IGF2BP3: variants seen among roughly 807,000 people sequenced by gnomAD.
IGF2BP3 encodes the protein insulin-like growth factor 2 mRNA-binding protein 3.
Under a neutral mutation model 73.8 loss-of-function variants are expected in IGF2BP3, and 9 were observed. The ratio of observed to expected loss-of-function variants is 0.12; its 90% confidence interval spans 0.07 to 0.21. IGF2BP3 has a LOEUF of 0.21. Ranked by LOEUF, IGF2BP3 falls within the 10% of genes least tolerant of loss-of-function variation. The pLI is 1.00. For synonymous variants in IGF2BP3, 258 were observed against 256.7 expected (o/e 1.01, Z -0.05); for missense variants, 542 against 714.0 (o/e 0.76, Z 2.75).
intron 2 of IGF2BP3, among the ~76,000 whole-genome samples, chr7:23,427,672 G>A (rs1026433380): frequency 6.6e-6 from 1 of 151,914 alleles, no homozygotes; most frequent in Non-Finnish European, 1.5e-5. Flanking sequence ...CAGAGTTCAA[G>A]AACAGCCTGG....
chr7:23,312,151 G>C lies in IGF2BP3; in HGVS notation c.*211C>G, dbSNP rs1279168627. 4.3e-6 allele frequency: 1 copy of C among 230,492 alleles called. No homozygotes were observed. Among genetic ancestry groups the C allele is most frequent in the African/African-American group, 2.5e-5 (1 of 40,766 alleles). The allele number at this position is 230,492 out of a possible 1,614,324, so 14.3% of individuals were successfully genotyped here. On this transcript the variant is annotated 3_prime_UTR_variant, in exon 15 of 15. Coordinates refer to ENST00000258729, the MANE Select transcript of IGF2BP3 (RefSeq NM_006547.3). ...CCTTTTTTTGTTTGTTTGTTTGTTT[G>C]TTTTAAAGCTGGGTGTCATACATTT... is the stretch of plus-strand genomic sequence containing the variant.
At chr7:23,336,093 T>C (rs990840566) in intron 10 of IGF2BP3, among the ~76,000 whole-genome samples, 2 of 151,894 alleles carry the variant, frequency 1.3e-5, no homozygotes, top group African/African-American at 4.8e-5. Context: ...AAAGAAGAGA[T>C]GCATCATTTC....
Position 23,469,928 on chromosome 7 carries a change from G to C in IGF2BP3, c.175+8C>G. 1 of 1,604,624 alleles carries C rather than the reference G, an allele frequency of 6.2e-7. No homozygotes were observed. The highest frequency in any genetic ancestry group is 8.5e-7 in the Non-Finnish European group (1 of 1,176,626). On this transcript the variant is annotated splice_region_variant and intron_variant, in intron 1 of 14. Coordinates refer to ENST00000258729, the MANE Select transcript of IGF2BP3 (RefSeq NM_006547.3). This position sits in a 1 kb window ranked among gnomAD's most constrained non-coding sequence, Gnocchi z 6.1. ...CGAGAGCCCGGGTGGGGCCAGGCCC[G>C]GGCCCACCTGAAAGCGCCTCGATGG... is the stretch of plus-strand genomic sequence containing the variant.
chr7:23,457,429 C>A (rs951703102), intron 2 of IGF2BP3, among the ~76,000 whole-genome samples: 3 of 151,954 alleles, frequency 2.0e-5, no homozygotes, highest in African/African-American at 7.3e-5. Flanking sequence ...CGCGCCACTG[C>A]ACTCCAGCCT....
intron 3 of IGF2BP3, among the ~76,000 whole-genome samples, chr7:23,372,288 T>C (rs1347068730): frequency 6.6e-6 from 1 of 152,164 alleles, no homozygotes; most frequent in African/African-American, 2.4e-5. Flanking sequence ...TTGGCCAGGC[T>C]GGCCTCAAAC....
At chr7:23,447,378 A>T (rs1157414988) in intron 2 of IGF2BP3, among the ~76,000 whole-genome samples, 1 of 152,002 alleles carries the variant, frequency 6.6e-6, no homozygotes, top group Non-Finnish European at 1.5e-5. Flanking sequence ...TAATCCCAGC[A>T]CTTAGGAGGC....
chr7:23,387,881 C>G (rs377155006), intron 3 of IGF2BP3, among the ~76,000 whole-genome samples: 2 of 152,278 alleles, frequency 1.3e-5, no homozygotes, highest in South Asian at 2.1e-4. Flanking sequence ...TTGTCAAGGA[C>G]TGGACCTGCT....
chr7:23,443,477 C>T lies in IGF2BP3; in HGVS notation c.237-24653G>A, dbSNP rs1330096804. On this transcript the variant is annotated intron_variant, in intron 2 of 14. Transcript: ENST00000258729. ...GGTTTCGCCATGCTGACCAGCCTGG[C>T]CAACATTGGGAAACCCCATCTCTAC... Among the ~76,000 whole-genome samples, 7 of 151,964 alleles carry T rather than the reference C, an allele frequency of 4.6e-5. No individual in the cohort carries two copies. In the East Asian group the frequency reaches 1.2e-3, roughly 25 times the overall value.
At chr7:23,391,406 T>C (rs946095998) in intron 3 of IGF2BP3, among the ~76,000 whole-genome samples, 2 of 152,196 alleles carry the variant, frequency 1.3e-5, no homozygotes, top group Non-Finnish European at 2.9e-5. Flanking sequence ...GGCCTTGTCA[T>C]TGCCTTTTAA....
chr7:23,372,915 G>A (rs1336557203), intron 3 of IGF2BP3, among the ~76,000 whole-genome samples: 1 of 152,214 alleles, frequency 6.6e-6, no homozygotes, highest in African/African-American at 2.4e-5. Context: ...AAAGTTCACA[G>A]TGTCAGAACT....
At chr7:23,407,464 C>G (rs1786871063) in intron 3 of IGF2BP3, among the ~76,000 whole-genome samples, 1 of 151,928 alleles carries the variant, frequency 6.6e-6, no homozygotes, top group African/African-American at 2.4e-5. Flanking sequence ...CAAAAATTAG[C>G]TGGGCATGGT....
intron 3 of IGF2BP3, among the ~76,000 whole-genome samples, chr7:23,406,475 G>A (rs1332612904): frequency 5.9e-5 from 9 of 152,142 alleles, no homozygotes; most frequent in African/African-American, 1.9e-4. Context: ...TGTTCCTTCA[G>A]ATGTTCAGAT....
intron 2 of IGF2BP3, among the ~76,000 whole-genome samples, chr7:23,460,196 A>C (rs1584068992): frequency 6.8e-6 from 1 of 146,768 alleles, no homozygotes; most frequent in Non-Finnish European, 1.5e-5. Context: ...AAAAAAAAAA[A>C]CAAAAACGAA....
intron 13 of IGF2BP3, 78 bp from the exon 14 acceptor site, chr7:23,312,926 A>G: frequency 1.2e-6 from 1 of 826,830 alleles, no homozygotes; most frequent in East Asian, 2.6e-5. Context: ...TGCGCCAGAC[A>G]GTGAGCTATG....
intron 10 of IGF2BP3, among the ~76,000 whole-genome samples, chr7:23,321,211 G>A (rs1424165689): frequency 4.6e-5 from 7 of 152,196 alleles, no homozygotes; most frequent in Non-Finnish European, 7.3e-5. Flanking sequence ...GTCAGTGGGT[G>A]CATGCACCAT....
At chr7:23,432,244 C>A (rs1787701437) in intron 2 of IGF2BP3, among the ~76,000 whole-genome samples, 1 of 152,134 alleles carries the variant, frequency 6.6e-6, no homozygotes, top group African/African-American at 2.4e-5. Context: ...CTAGAAGAGT[C>A]CAAAAAAGAC....
At chr7:23,346,206 TG>T in intron 7 of IGF2BP3, 144 bp from the exon 8 acceptor site, 2 of 795,958 alleles carry the variant, frequency 2.5e-6, no homozygotes, top group Non-Finnish European at 3.8e-6. Context: ...TGCTGACAAT[TG>T]GCCAGCATTC....
chr7:23,465,263 C>T (rs1277719984), intron 2 of IGF2BP3, among the ~76,000 whole-genome samples: 1 of 152,192 alleles, frequency 6.6e-6, no homozygotes, highest in Non-Finnish European at 1.5e-5. Flanking sequence ...GCCTATACTT[C>T]GGAGTCAAAG....
intron 2 of IGF2BP3, among the ~76,000 whole-genome samples, chr7:23,452,425 T>G (rs951451756): frequency 2.0e-5 from 3 of 152,156 alleles, no homozygotes; most frequent in Non-Finnish European, 2.9e-5. Flanking sequence ...ATACTACAAG[T>G]GAAATTGCTG....
Sources: allele counts gnomAD v4.1 joint callset (sites outside exome capture counted in the v4.1 genomes callset), GRCh38; gene constraint gnomAD v4.1.1; non-coding constraint Gnocchi (gnomAD v3.1); transcripts MANE v1.5; gene names NCBI Gene and HGNC (gene_info 2026-07-23, HGNC 2026-07-21).